Variants in PRKN observed in about 807,000 individuals in gnomAD.
PRKN encodes E3 ubiquitin-protein ligase parkin.
In PRKN, 56 loss-of-function variants were observed where a neutral mutation model predicts 59.5. The ratio of observed to expected loss-of-function variants is 0.94; its 90% CI spans 0.76 to 1.18. PRKN has a LOEUF of 1.18. Among genes scored for constraint, PRKN ranks in the 50% most tolerant of loss-of-function variants. The pLI is 0.00. For synonymous variants in PRKN, 250 were observed against 222.1 expected, an observed-to-expected ratio of 1.13 and a Z score of -1.12; for missense variants, 657 against 596.4, an observed-to-expected ratio of 1.10 and a Z score of -1.06.
chr6:162,111,904 A>T (rs1313398731), intron 4 of PRKN, among the ~76,000 whole-genome samples: 1 of 152,180 alleles, frequency 6.6e-6, no homozygotes, highest in East Asian at 1.9e-4. Context: ...GTTGAATCCA[A>T]AGTTTCGTTC....
chr6:161,511,194 T>G (rs1389513241), intron 9 of PRKN, among the ~76,000 whole-genome samples: 1 of 152,210 alleles, frequency 6.6e-6, no homozygotes, highest in Non-Finnish European at 1.5e-5. Context: ...AACAATCACC[T>G]GAAGAGATTG....
intron 6 of PRKN, among the ~76,000 whole-genome samples, chr6:161,942,056 C>T (rs2128243314): frequency 6.6e-6 from 1 of 152,262 alleles, no homozygotes; most frequent in South Asian, 2.1e-4. Context: ...CAAAGATTTA[C>T]ATTCCTATAA....
At chr6:162,461,362 C>T (rs191682174) in intron 1 of PRKN, among the ~76,000 whole-genome samples, 59 of 150,026 alleles carry the variant, frequency 3.9e-4, no homozygotes, top group African/African-American at 1.3e-3. Context: ...ATTAGCTGGA[C>T]GTGGTGGCAC....
chr6:161,656,472 C>T (rs2128163881), intron 7 of PRKN, among the ~76,000 whole-genome samples: 1 of 152,334 alleles, frequency 6.6e-6, no homozygotes, highest in African/African-American at 2.4e-5. Flanking sequence ...GGGGCACTCT[C>T]TGCAGCACCC....
chr6:162,137,343 A>G (rs963064044), intron 4 of PRKN, among the ~76,000 whole-genome samples: 2 of 152,160 alleles, frequency 1.3e-5, no homozygotes, highest in African/African-American at 4.8e-5. Flanking sequence ...AATGGAGGCA[A>G]TATTAGTATA....
intron 7 of PRKN, among the ~76,000 whole-genome samples, chr6:161,674,612 T>A (rs1785023462): frequency 6.6e-6 from 1 of 152,218 alleles, no homozygotes; most frequent in Admixed American, 6.5e-5. Context: ...GTTTCATGGA[T>A]ATTACATGCG....
chr6:161,489,928 CCTGCCATA>C (rs1310085778), intron 9 of PRKN, among the ~76,000 whole-genome samples: 1 of 152,196 alleles, frequency 6.6e-6, no homozygotes. Context: ...TCCGATGGCT[CCTGCCATA>C]CTGCTCCCAA....
rs182842876 is a variant in PRKN, at chr6:161,429,448, G to A, written c.1084-42571C>T. Reference sequence around the variant, plus strand: ...GGGAGCCATGGTTAAGAGGGACGGAGAAATAACACGAATGTGGTGAGGCAG... The same window carrying A: ...GGGAGCCATGGTTAAGAGGGACGGAAAAATAACACGAATGTGGTGAGGCAG... On this transcript the variant is annotated intron_variant, in intron 9 of 11. Transcript: ENST00000366898. The surrounding 1 kb of genome is among the most constrained non-coding windows in gnomAD (Gnocchi z 4.2). 1.5e-4 allele frequency among the ~76,000 whole-genome samples: 23 copies of A among 152,312 alleles called. No homozygotes were observed. The highest frequency in any genetic ancestry group is 1.5e-3 in the Admixed American group (23 of 15,292).
rs1784459855 is a variant in PRKN, at chr6:161,350,104, C to T, written c.1393G>A (p.Val465Met). ...RVCMGDHWFD[V>M] is the part of the protein sequence containing the mutation. ...GGGGCGCCCGGCCGCCCTGGCTACA[C>T]GTCGAACCAGTGGTCCCCCATGCAG... The change falls in exon 12 of 12, where the codon GTG becomes ATG. Residue 465 changes from valine to methionine, a missense_variant. Coordinates refer to ENST00000366898, the MANE Select transcript of PRKN (RefSeq NM_004562.3). 1.9e-6 allele frequency: 3 copies of T among 1,611,444 alleles called. No individual in the cohort carries two copies. Among genetic ancestry groups the T allele is most frequent in the Middle Eastern group, 1.7e-4 (1 of 6,056 alleles).
At chr6:162,036,582 T>C (rs934036987) in intron 5 of PRKN, among the ~76,000 whole-genome samples, 2 of 151,840 alleles carry the variant, frequency 1.3e-5, no homozygotes, top group South Asian at 4.2e-4. Flanking sequence ...GGTTTCACCA[T>C]GTTGGCCTGA....
intron 4 of PRKN, among the ~76,000 whole-genome samples, chr6:162,104,165 C>T (rs552987393): frequency 3.3e-5 from 5 of 152,254 alleles, no homozygotes; most frequent in African/African-American, 9.6e-5. Context: ...CTCCTCATCT[C>T]CATGAAGAGC....
At chr6:162,536,071 A>C (rs1778702485) in intron 1 of PRKN, among the ~76,000 whole-genome samples, 1 of 152,132 alleles carries the variant, frequency 6.6e-6, no homozygotes, top group African/African-American at 2.4e-5. Flanking sequence ...CTGTTCCATG[A>C]AGATGGTAGG....
intron 7 of PRKN, among the ~76,000 whole-genome samples, chr6:161,633,299 T>C (rs73782958): frequency 0.027 from 4,076 of 152,288 alleles, 195 homozygotes; most frequent in African/African-American, 0.093. Flanking sequence ...TGATTCCAGT[T>C]TGTCATACTG....
chr6:162,366,704 G>C (rs976450937), intron 2 of PRKN, among the ~76,000 whole-genome samples: 2 of 151,948 alleles, frequency 1.3e-5, no homozygotes, highest in African/African-American at 4.8e-5. Context: ...TCGGGAGTTC[G>C]AGACCAGCCT....
intron 2 of PRKN, among the ~76,000 whole-genome samples, chr6:162,267,678 C>T (rs139945578): frequency 1.6e-3 from 241 of 152,124 alleles, no homozygotes; most frequent in Non-Finnish European, 2.7e-3. Flanking sequence ...TTTCTGTAAC[C>T]GGGTTTGGTC....
intron 1 of PRKN, among the ~76,000 whole-genome samples, chr6:162,548,256 A>ACC (rs1405424455): frequency 6.6e-6 from 1 of 151,552 alleles, no homozygotes; most frequent in Admixed American, 6.6e-5. Flanking sequence ...GATGGGTTTC[A>ACC]CCATGTTGGC....
intron 6 of PRKN, among the ~76,000 whole-genome samples, chr6:161,944,051 T>C (rs1022545323): frequency 7.3e-6 from 1 of 136,490 alleles, no homozygotes; most frequent in Non-Finnish European, 1.6e-5. Context: ...GGGACCAGCC[T>C]GAGGGATCAG....
At chr6:161,408,633 C>T (rs1222069799) in intron 9 of PRKN, among the ~76,000 whole-genome samples, 1 of 151,710 alleles carries the variant, frequency 6.6e-6, no homozygotes, top group Non-Finnish European at 1.5e-5. Context: ...AGGCTGATAC[C>T]GGGAGTGGAC....
chr6:162,301,205 T>C (rs1222075205), intron 2 of PRKN, among the ~76,000 whole-genome samples: 1 of 152,104 alleles, frequency 6.6e-6, no homozygotes, highest in Non-Finnish European at 1.5e-5. Flanking sequence ...ATCAAGCGCT[T>C]TGGGAGCTAA....
Sources: gnomAD v4.1 joint callset for allele counts (sites outside exome capture counted in the v4.1 genomes callset) on GRCh38, gnomAD v4.1.1 for gene constraint, Gnocchi (gnomAD v3.1) non-coding constraint, MANE v1.5 for transcripts, NCBI Gene and HGNC (gene_info 2026-07-23, HGNC 2026-07-21) for gene names.